Variants in ZBTB20 observed in about 807,000 individuals in gnomAD.
ZBTB20 encodes the protein zinc finger and BTB domain-containing protein 20.
ZBTB20 carries 9 observed loss-of-function variants against 56.9 expected under a neutral mutation model. That is an observed-to-expected ratio of 0.16 (90% CI 0.10 to 0.28). The LOEUF (loss-of-function observed/expected upper bound fraction) is 0.28. Ranked by LOEUF, ZBTB20 falls within the 10% of genes least tolerant of loss-of-function variation. The pLI is 1.00. For missense variants in ZBTB20, 655 were observed against 1,003.0 expected, an observed-to-expected ratio of 0.65 and a Z score of 4.69; for synonymous variants, 417 against 420.7, an observed-to-expected ratio of 0.99 and a Z score of 0.11.
Position 114,847,179 on chromosome 3 carries a change from G to C in ZBTB20, c.-416-46005C>G, listed in dbSNP as rs189914162. Among the ~76,000 whole-genome samples, 538 of 151,924 alleles carry C rather than the reference G, an allele frequency of 3.5e-3. 1 individual carries two copies. The highest frequency in any genetic ancestry group is 0.016 in the South Asian group (76 of 4,806). On this transcript the variant is annotated intron_variant, in intron 4 of 11. Coordinates refer to ENST00000675478, the MANE Select transcript of ZBTB20 (RefSeq NM_001348800.3). Reference sequence around the variant, plus strand: ...ACTAATTTTTTAAACAAATCTATAGGCTTCTCACAAGGGCTATTTTTCACA... The same window carrying C: ...ACTAATTTTTTAAACAAATCTATAGCCTTCTCACAAGGGCTATTTTTCACA...
chr3:114,430,349 G>T (rs929918507), intron 7 of ZBTB20, among the ~76,000 whole-genome samples: 4 of 152,140 alleles, frequency 2.6e-5, no homozygotes, highest in Non-Finnish European at 4.4e-5. Context: ...ATTGTGTTTT[G>T]AGCAGACATA....
chr3:114,901,617 T>C (rs1311557930), intron 3 of ZBTB20, among the ~76,000 whole-genome samples: 1 of 152,078 alleles, frequency 6.6e-6, no homozygotes, highest in Non-Finnish European at 1.5e-5. Flanking sequence ...TAAAAAACTA[T>C]AAGCAACCTA....
At chr3:115,095,819 A>T (rs1055026367) in intron 1 of ZBTB20, among the ~76,000 whole-genome samples, 78 of 152,326 alleles carry the variant, frequency 5.1e-4, no homozygotes, top group African/African-American at 1.8e-3. Flanking sequence ...GGAAAACATG[A>T]ATTCAGGTAT....
intron 5 of ZBTB20, among the ~76,000 whole-genome samples, chr3:114,713,707 C>T (rs1342728022): frequency 1.3e-5 from 2 of 152,162 alleles, no homozygotes; most frequent in Admixed American, 1.3e-4. Context: ...TTCTAAGTAT[C>T]TCTGGTCAGT....
At chr3:114,677,325 C>T (rs2061686475) in intron 6 of ZBTB20, among the ~76,000 whole-genome samples, 1 of 152,092 alleles carries the variant, frequency 6.6e-6, no homozygotes, top group South Asian at 2.1e-4. Flanking sequence ...GCCGCCAGTC[C>T]CCAGGCTTCA....
At chr3:114,699,044 A>G (rs1209479345) in intron 5 of ZBTB20, among the ~76,000 whole-genome samples, 1 of 152,158 alleles carries the variant, frequency 6.6e-6, no homozygotes, top group African/African-American at 2.4e-5. Flanking sequence ...TGCACACAAA[A>G]TAATACTGTA....
intron 7 of ZBTB20, among the ~76,000 whole-genome samples, chr3:114,404,941 A>AACTT (rs1328695626): frequency 5.3e-5 from 8 of 152,138 alleles, no homozygotes; most frequent in African/African-American, 1.9e-4. Context: ...AGTTTGACCC[A>AACTT]ACTTAGTTTG....
Position 114,351,670 on chromosome 3 carries a change from G to C in ZBTB20, c.408C>G (p.Gly136=), listed in dbSNP as rs1241372754. The C allele has an allele frequency of 6.2e-7, 1 of 1,614,122 alleles. No individual in the cohort carries two copies. Among genetic ancestry groups the C allele is most frequent in the East Asian group, 2.2e-5 (1 of 44,864 alleles). The part of the protein sequence containing the change: ...SPFFQDKLLL[G]YSDIEIPSVV... ...CCGACGGGATCTCGATGTCGCTGTA[G>C]CCAAGCAGCAGTTTGTCCTGGAAGA... The change falls in exon 11 of 12, where the codon GGC becomes GGG. Residue 136 remains glycine, a synonymous_variant. Coordinates refer to ENST00000675478, the MANE Select transcript of ZBTB20 (RefSeq NM_001348800.3).
At chr3:114,502,023 T>C (rs1402072640) in intron 6 of ZBTB20, among the ~76,000 whole-genome samples, 1 of 152,060 alleles carries the variant, frequency 6.6e-6, no homozygotes, top group African/African-American at 2.4e-5. Flanking sequence ...AGTGTTTTGA[T>C]AGCTTCTCTT....
intron 2 of ZBTB20, among the ~76,000 whole-genome samples, chr3:115,030,034 A>G (rs776568273): frequency 6.6e-6 from 1 of 151,124 alleles, no homozygotes; most frequent in Non-Finnish European, 1.5e-5. Context: ...ACAATGTCCT[A>G]TGAAAAATAA....
chr3:114,662,863 G>A (rs2060819839), intron 6 of ZBTB20, among the ~76,000 whole-genome samples: 1 of 152,012 alleles, frequency 6.6e-6, no homozygotes. Context: ...TCACTCTGAT[G>A]GTAGTTTCTT....
At chr3:114,568,096 G>A (rs2052994587) in intron 6 of ZBTB20, among the ~76,000 whole-genome samples, 1 of 152,208 alleles carries the variant, frequency 6.6e-6, no homozygotes, top group Non-Finnish European at 1.5e-5. Context: ...ACCCCAGAGA[G>A]ACGGAGAGAT....
At chr3:114,734,457 C>T (rs1056277224) in intron 5 of ZBTB20, among the ~76,000 whole-genome samples, 13 of 151,830 alleles carry the variant, frequency 8.6e-5, no homozygotes, top group Admixed American at 2.0e-4. Flanking sequence ...TAGTATAGTA[C>T]AGAAAGTCTT....
chr3:114,995,920 C>A (rs1041704656), intron 2 of ZBTB20, among the ~76,000 whole-genome samples: 3 of 151,820 alleles, frequency 2.0e-5, no homozygotes, highest in African/African-American at 7.2e-5. Context: ...CCTTTACCTT[C>A]TCCCAACCCC....
At chr3:114,850,556 A>T (rs76654350) in intron 4 of ZBTB20, among the ~76,000 whole-genome samples, 2,818 of 152,306 alleles carry the variant, frequency 0.019, 42 homozygotes, top group Non-Finnish European at 0.031. Context: ...TATTTTCTCC[A>T]TTTTACAGAC....
rs369887561 is a variant in ZBTB20, at chr3:115,111,396, T to C, written c.-703+35823A>G. Among the ~76,000 whole-genome samples, 17 of 152,296 alleles carry C rather than the reference T, an allele frequency of 1.1e-4. No individual in the cohort carries two copies. In the East Asian group the frequency reaches 3.3e-3, roughly 29 times the overall value. ...TTAAATGGTTTGGGACTCCAATACA[T>C]ACCTCTTATGATGTTTTATCTGAAG... On this transcript the variant is annotated intron_variant, in intron 1 of 11. Coordinates refer to ENST00000675478, the MANE Select transcript of ZBTB20 (RefSeq NM_001348800.3).
At chr3:114,367,788 A>C (rs1576399936) in intron 10 of ZBTB20, among the ~76,000 whole-genome samples, 3 of 151,872 alleles carry the variant, frequency 2.0e-5, no homozygotes, top group Admixed American at 6.6e-5. Flanking sequence ...AGGAAAAAAA[A>C]ACATACAAAT....
intron 7 of ZBTB20, among the ~76,000 whole-genome samples, chr3:114,485,113 G>A (rs551966961): frequency 1.6e-4 from 24 of 152,242 alleles, no homozygotes; most frequent in African/African-American, 5.8e-4. Context: ...CCCTGGATCC[G>A]CATGCTGGTC....
Position 115,001,296 on chromosome 3 carries a change from A to C in ZBTB20, c.-506-26880T>G, listed in dbSNP as rs78215734. ...TCCTACAAGATAAAGAAGTCAGATT[A>C]CTCTTTTATATCCAATGGAATACAT... On this transcript the variant is annotated intron_variant, in intron 2 of 11. Coordinates refer to ENST00000675478, the MANE Select transcript of ZBTB20 (RefSeq NM_001348800.3). Among the ~76,000 whole-genome samples the C allele has an allele frequency of 7.1e-4, 107 of 151,468 alleles. No individual in the cohort carries two copies. In the East Asian group the frequency reaches 0.017, roughly 25 times the overall value.
Sources: gnomAD v4.1 joint callset for allele counts (sites outside exome capture counted in the v4.1 genomes callset) on GRCh38, gnomAD v4.1.1 for gene constraint, MANE v1.5 for transcripts, NCBI Gene and HGNC (gene_info 2026-07-23, HGNC 2026-07-21) for gene names.